Variants in UTRN observed in about 807,000 individuals in gnomAD.
UTRN encodes utrophin, also known as dystrophin-related protein 1.
In UTRN, 283 loss-of-function variants were observed where a neutral mutation model predicts 463.9. That is an observed-to-expected ratio of 0.61 (90% CI 0.55 to 0.67). UTRN has a LOEUF of 0.67. Ranked by LOEUF, UTRN falls within the 30% of genes least tolerant of loss-of-function variation. The pLI is 0.00. For missense variants in UTRN, 3,922 were observed against 4,084.3 expected, an observed-to-expected ratio of 0.96 and a Z score of 1.08; for synonymous variants, 1,442 against 1,431.5, an observed-to-expected ratio of 1.01 and a Z score of -0.17.
At chr6:144,288,211 T>C (rs1803875636) in intron 1 of UTRN, among the ~76,000 whole-genome samples, 1 of 152,260 alleles carries the variant, frequency 6.6e-6, no homozygotes, top group South Asian at 2.1e-4. Context: ...TGCTGTATCT[T>C]TGCAACCTGT....
chr6:144,624,120 T>C (rs1000707323), intron 51 of UTRN, among the ~76,000 whole-genome samples: 11 of 152,236 alleles, frequency 7.2e-5, no homozygotes, highest in African/African-American at 2.4e-4. Flanking sequence ...GATTAGTGGC[T>C]TGGGAATGGG....
Position 144,438,908 on chromosome 6 carries a change from C to A in UTRN, c.1392+13C>A. 1 of 1,613,418 alleles carries A rather than the reference C, an allele frequency of 6.2e-7. No homozygotes were observed. The highest frequency in any genetic ancestry group is 1.1e-5 in the South Asian group (1 of 90,974). On this transcript the variant is annotated intron_variant, in intron 12 of 74. Coordinates refer to ENST00000367545, the MANE Select transcript of UTRN (RefSeq NM_007124.3). ...AGAAGAACATAAAGTAAATCTGTCTCATATTTCTTCGATACCTTATCAAAT... is the reference window on the plus strand; with the variant it reads ...AGAAGAACATAAAGTAAATCTGTCTAATATTTCTTCGATACCTTATCAAAT...
chr6:144,457,527 G>A (rs1029004695), intron 19 of UTRN, among the ~76,000 whole-genome samples: 3 of 152,168 alleles, frequency 2.0e-5, no homozygotes, highest in African/African-American at 7.2e-5. Context: ...ATATTGTTAG[G>A]AAAATGGTGA....
At chr6:144,602,968 C>G (rs753655292) in intron 51 of UTRN, among the ~76,000 whole-genome samples, 4 of 152,062 alleles carry the variant, frequency 2.6e-5, no homozygotes, top group Non-Finnish European at 4.4e-5. Flanking sequence ...GACTCATTTG[C>G]TTTGTTGTGG....
intron 2 of UTRN, among the ~76,000 whole-genome samples, chr6:144,322,825 C>T (rs918409422): frequency 6.6e-6 from 1 of 151,996 alleles, no homozygotes; most frequent in African/African-American, 2.4e-5. Context: ...CTCCTGTAGT[C>T]CCAGCTACTC....
intron 34 of UTRN, among the ~76,000 whole-genome samples, chr6:144,507,998 C>T (rs1472332813): frequency 6.6e-6 from 1 of 152,156 alleles, no homozygotes; most frequent in East Asian, 1.9e-4. Context: ...GTGGTGGGTT[C>T]TGCCCAGTTT....
chr6:144,505,742 G>A (rs1794639652), intron 34 of UTRN, among the ~76,000 whole-genome samples: 1 of 152,220 alleles, frequency 6.6e-6, no homozygotes, highest in South Asian at 2.1e-4. Flanking sequence ...GATTTGGGGT[G>A]GAGAGTTCTG....
intron 30 of UTRN, 26 bp from the exon 31 acceptor site, chr6:144,490,045 C>A: frequency 6.3e-7 from 1 of 1,598,938 alleles, no homozygotes; most frequent in African/African-American, 1.4e-5. Flanking sequence ...AAAGGACATC[C>A]TCTCCCCTTT....
At position 144,410,387 on chromosome 6, in the gene UTRN, A is replaced by G. The variant is rs1292936167; in HGVS notation, c.141+7203A>G. Among the ~76,000 whole-genome samples, 3 of 152,140 alleles carry G rather than the reference A, an allele frequency of 2.0e-5. No homozygotes were observed. In the East Asian group the frequency reaches 5.8e-4, roughly 29 times the overall value. On this transcript the variant is annotated intron_variant, in intron 3 of 74. Transcript: ENST00000367545. ...CCTACAGACCTTGCCTGGTATGCAT[A>G]AAGAGTCAGAGCTTTTTATTTATTT...
In UTRN at chr6:144,334,153, C is replaced by T. The variant is rs576421579; in HGVS notation, c.79+42246C>T. On this transcript the variant is annotated intron_variant, in intron 2 of 74. Coordinates refer to ENST00000367545, the MANE Select transcript of UTRN (RefSeq NM_007124.3). ...GACATCATTGCCTAATGTTGGGTTT[C>T]TGTGCCTGGGCTCTTTATGCTGTGG... 2.1e-4 allele frequency among the ~76,000 whole-genome samples: 32 copies of T among 152,224 alleles called. No homozygotes were observed. The South Asian group carries it at 5.6e-3, about 27-fold the overall frequency.
chr6:144,781,326 C>A (rs1380341698), intron 60 of UTRN, among the ~76,000 whole-genome samples: 1 of 152,136 alleles, frequency 6.6e-6, no homozygotes, highest in East Asian at 1.9e-4. Flanking sequence ...CAGGTTAGGG[C>A]CAGTTTGTGA....
At chr6:144,407,539 A>T (rs899608418) in intron 3 of UTRN, among the ~76,000 whole-genome samples, 29 of 152,214 alleles carry the variant, frequency 1.9e-4, no homozygotes, top group African/African-American at 5.5e-4. Flanking sequence ...AACCACTTGG[A>T]CTTAATGCAT....
chr6:144,708,303 A>G (rs1785296862), intron 53 of UTRN: 1 of 666,574 alleles, frequency 1.5e-6, no homozygotes, highest in African/African-American at 1.8e-5. Flanking sequence ...CTTTTACAAG[A>G]CCATGTATAA....
In UTRN at chr6:144,812,365, G is replaced by C. The variant is rs1329025590; in HGVS notation, c.9358-8517G>C. On this transcript the variant is annotated intron_variant, in intron 65 of 74. Coordinates refer to ENST00000367545, the MANE Select transcript of UTRN (RefSeq NM_007124.3). ...TTGATTATGAATACTGGGGGAAGGGGGTTAGCTTTTCTACATTCTAGATTC... is the reference window on the plus strand; with the variant it reads ...TTGATTATGAATACTGGGGGAAGGGCGTTAGCTTTTCTACATTCTAGATTC... 2.6e-5 allele frequency among the ~76,000 whole-genome samples: 4 copies of C among 152,100 alleles called. No individual in the cohort carries two copies. The East Asian group carries it at 7.7e-4, about 29-fold the overall frequency.
Position 144,482,408 on chromosome 6 carries a change from GTTGTTA to G in UTRN, c.3687+23_3687+28del, listed in dbSNP as rs775435921. 5.1e-3 allele frequency: 5,802 copies of G among 1,139,754 alleles called. 81 individuals carry two copies. The highest frequency in any genetic ancestry group is 0.012 in the Middle Eastern group (43 of 3,676). 70.6% of individuals were successfully genotyped at this position (1,139,754 alleles called of 1,614,324 possible). A position where few individuals can be genotyped will look rare whatever the true frequency, so the allele number is the denominator to read the frequency against. ...CTAGAGGTATGCTATTATTATTATT[GTTGTTA>G]TTATTATTATTATTATTATTATTAT... On this transcript the variant is annotated intron_variant, in intron 27 of 74. Transcript: ENST00000367545.
rs887967667 is a variant in UTRN at position 144,537,549 on chromosome 6, T to C, written c.6234-33T>C. On this transcript the variant is annotated intron_variant, in intron 43 of 74. Transcript: ENST00000367545. ...AGGTTCTGCTTAATTGGACAGTTTT[T>C]CCTCAATATTTTTAAATAATATATT... The C allele has an allele frequency of 9.6e-6, 14 of 1,457,920 alleles. No homozygotes were observed. In the Middle Eastern group the frequency reaches 9.0e-4, roughly 93 times the overall value. The allele number at this position is 1,457,920 out of a possible 1,614,324, so 90.3% of individuals were successfully genotyped here.
intron 53 of UTRN, among the ~76,000 whole-genome samples, chr6:144,711,653 T>G (rs1785725138): frequency 6.6e-6 from 1 of 152,234 alleles, no homozygotes; most frequent in South Asian, 2.1e-4. Context: ...TATTAAGTTA[T>G]GTAGGAGCAA....
At chr6:144,528,709 G>A (rs1050776516) in intron 41 of UTRN, among the ~76,000 whole-genome samples, 19 of 152,238 alleles carry the variant, frequency 1.2e-4, no homozygotes, top group African/African-American at 4.3e-4. Context: ...AGTAACAGGG[G>A]AGTGAAGCGG....
chr6:144,660,912 T>C (rs761322653), intron 51 of UTRN, among the ~76,000 whole-genome samples: 11 of 152,232 alleles, frequency 7.2e-5, no homozygotes, highest in Non-Finnish European at 1.5e-4. Context: ...CCTGGCACAA[T>C]CTAGATGGAG....
Sources: allele counts gnomAD v4.1 joint callset (sites outside exome capture counted in the v4.1 genomes callset), GRCh38; gene constraint gnomAD v4.1.1; transcripts MANE v1.5; gene names NCBI Gene and HGNC (gene_info 2026-07-23, HGNC 2026-07-21).